Variants in DIP2A observed in about 807,000 individuals in gnomAD.
DIP2A encodes DIP2 acetate--CoA ligase A.
In DIP2A, 85 loss-of-function variants were observed where a neutral mutation model predicts 177.4. The observed-to-expected ratio is 0.48, with a 90% CI of 0.40 to 0.57. The LOEUF (loss-of-function observed/expected upper bound fraction) is 0.57. DIP2A is among the 20% of genes least tolerant of loss of function. The pLI, the probability that DIP2A is intolerant of heterozygous loss-of-function variation, is 0.00. For synonymous variants in DIP2A, 886 were observed against 881.8 expected (o/e 1.00, Z -0.08); for missense variants, 1,791 against 2,100.2 (o/e 0.85, Z 2.88).
intron 3 of DIP2A, among the ~76,000 whole-genome samples, chr21:46,496,665 A>G (rs939987697): frequency 6.6e-6 from 1 of 152,240 alleles, no homozygotes; most frequent in Non-Finnish European, 1.5e-5. Context: ...TATGAGGCCC[A>G]TGGGCCACGG....
chr21:46,537,291 G>C lies in DIP2A; in HGVS notation c.1707+3G>C, dbSNP rs199591272. 1 of 1,614,004 alleles carries C rather than the reference G, an allele frequency of 6.2e-7. No homozygotes were observed. Among genetic ancestry groups the C allele is most frequent in the Non-Finnish European group, 8.5e-7 (1 of 1,179,868 alleles). On this transcript the variant is annotated splice_donor_region_variant and intron_variant, in intron 14 of 37. Coordinates refer to ENST00000417564, the MANE Select transcript of DIP2A (RefSeq NM_015151.4). This position sits in a 1 kb window ranked among gnomAD's most constrained non-coding sequence, Gnocchi z 4.1. ...GTCTGTGGCATGGCGTGTTAACAGT[G>C]AGTGTTGTTTGCTGATGACTAACTG...
downstream of DIP2A, among the ~76,000 whole-genome samples, chr21:46,574,613 A>G (rs2060981974): frequency 6.6e-6 from 1 of 152,154 alleles, no homozygotes; most frequent in African/African-American, 2.4e-5. Flanking sequence ...AAAATCAGAA[A>G]TAAAATTGGA....
chr21:46,463,683 TGTGTGTGTGTG>T (rs2054530395), intron 1 of DIP2A, among the ~76,000 whole-genome samples: 1 of 119,150 alleles, frequency 8.4e-6, no homozygotes, highest in Admixed American at 7.5e-5. Flanking sequence ...GATATATTTG[TGTGTGTGTGTG>T]TGTGTGTGTG....
chr21:46,535,193 C>G (rs1382630914), intron 13 of DIP2A, among the ~76,000 whole-genome samples: 1 of 152,148 alleles, frequency 6.6e-6, no homozygotes, highest in Non-Finnish European at 1.5e-5. Context: ...TATAGATGAT[C>G]TGTTGATAAA....
At chr21:46,560,332 G>A (rs1468515925) in intron 32 of DIP2A, among the ~76,000 whole-genome samples, 6 of 152,228 alleles carry the variant, frequency 3.9e-5, no homozygotes, top group Non-Finnish European at 7.3e-5. Flanking sequence ...AGCAGTCCCC[G>A]GTAGAATTAG....
At chr21:46,461,184 G>C (rs1320859269) in intron 1 of DIP2A, among the ~76,000 whole-genome samples, 1 of 148,360 alleles carries the variant, frequency 6.7e-6, no homozygotes, top group African/African-American at 2.5e-5. Context: ...TGTAGTCCCA[G>C]CTACTTGGGA....
chr21:46,537,441 C>T lies in DIP2A; in HGVS notation c.1708-5C>T, dbSNP rs200136063. On this transcript the variant is annotated splice_polypyrimidine_tract_variant and splice_region_variant and intron_variant, in intron 14 of 37. Coordinates refer to ENST00000417564, the MANE Select transcript of DIP2A (RefSeq NM_015151.4). This position sits in a 1 kb window ranked among gnomAD's most constrained non-coding sequence, Gnocchi z 4.1. Reference sequence around the variant, plus strand: ...CTCGCCCTAAGCATGTGTGCTCCCCCACAGAGCGTCATGAACAGGATGCAC... The same window carrying T: ...CTCGCCCTAAGCATGTGTGCTCCCCTACAGAGCGTCATGAACAGGATGCAC... 1.9e-6 allele frequency: 3 copies of T among 1,614,084 alleles called. No homozygotes were observed. Among genetic ancestry groups the T allele is most frequent in the Non-Finnish European group, 2.5e-6 (3 of 1,179,968 alleles).
At chr21:46,536,074 G>A (rs759902555) in intron 13 of DIP2A, among the ~76,000 whole-genome samples, 2 of 152,206 alleles carry the variant, frequency 1.3e-5, no homozygotes, top group East Asian at 1.9e-4. Flanking sequence ...GCCTGGCAAC[G>A]TAATAAGACC....
At position 46,566,623 on chromosome 21, in the gene DIP2A, G is replaced by C; in HGVS notation, c.4403G>C (p.Arg1468Pro). 6.2e-7 allele frequency: 1 copy of C among 1,614,152 alleles called. No individual in the cohort carries two copies. The highest frequency in any genetic ancestry group is 8.5e-7 in the Non-Finnish European group (1 of 1,180,020). The change falls in exon 37 of 38, where the codon CGG (arginine) becomes CCG (proline). Residue 1468 changes from arginine (R) to proline (P), a missense_variant. Transcript: ENST00000417564. ...LDETLELRGM[R>P]YHPIDIETSV... ...GAAACTCTGGAGCTCAGAGGCATGC[G>C]GTACCACCCCATCGACATTGAGACC...
chr21:46,524,859 T>A (rs533008587), intron 8 of DIP2A, among the ~76,000 whole-genome samples: 1 of 146,832 alleles, frequency 6.8e-6, no homozygotes, highest in African/African-American at 2.5e-5. Context: ...TCTTTTATGA[T>A]TTTTGCTTTT....
intron 5 of DIP2A, among the ~76,000 whole-genome samples, chr21:46,501,408 A>G (rs1309439645): frequency 6.6e-6 from 1 of 151,804 alleles, no homozygotes; most frequent in African/African-American, 2.4e-5. Flanking sequence ...GTTTATTTTT[A>G]TGCAGCTTTT....
At position 46,546,977 on chromosome 21, in the gene DIP2A, C is replaced by T. The variant is rs757076117; in HGVS notation, c.2457C>T (p.His819=). 3.1e-6 allele frequency: 5 copies of T among 1,613,980 alleles called. No individual in the cohort carries two copies. The highest frequency in any genetic ancestry group is 4.2e-6 in the Non-Finnish European group (5 of 1,179,884). ...DGLMVTGVRR[H]NADDVVATAL... is the part of the protein sequence containing the mutation. Reference sequence around the variant, plus strand: ...TGATGGTCACTGGAGTTCGCAGACACAATGCAGATGACGTTGTGGCCACCG... The same window carrying T: ...TGATGGTCACTGGAGTTCGCAGACATAATGCAGATGACGTTGTGGCCACCG... Residue 819 remains histidine (H), a synonymous_variant, in exon 21 of 38, where the codon CAC becomes CAT. Coordinates refer to ENST00000417564, the MANE Select transcript of DIP2A (RefSeq NM_015151.4).
chr21:46,481,987 G>A (rs566747637), intron 1 of DIP2A, among the ~76,000 whole-genome samples: 7 of 152,156 alleles, frequency 4.6e-5, no homozygotes, highest in Admixed American at 3.3e-4. Context: ...GGAGGCAGAG[G>A]TTGCAGTGAG....
rs766609097 is a variant in DIP2A, at chr21:46,563,901, A to G, written c.4133A>G (p.Lys1378Arg). 4.4e-5 allele frequency: 71 copies of G among 1,613,400 alleles called. No homozygotes were observed. The highest frequency in any genetic ancestry group is 5.7e-5 in the Non-Finnish European group (67 of 1,179,788). ...GTCATCATCGCACACACCGAGACCA[A>G]AGGACCCTTGGGAGACTCACACCTG... is the stretch of plus-strand genomic sequence containing the variant. Reference protein sequence around the residue: ...VKVIIAHTETKGPLGDSHLGE... With the variant: ...VKVIIAHTETRGPLGDSHLGE... Residue 1378 changes from lysine to arginine, a missense_variant, in exon 35 of 38, where the codon AAA becomes AGA. Lys to Arg is a conservative substitution (Grantham distance 26, BLOSUM62 2). Transcript: ENST00000417564. The surrounding 1 kb of genome is among the most constrained non-coding windows in gnomAD (Gnocchi z 4.3).
Position 46,490,696 on chromosome 21 carries a change from C to G in DIP2A, c.260C>G (p.Ser87Trp). 1 of 1,585,186 alleles carries G rather than the reference C, an allele frequency of 6.3e-7. No homozygotes were observed. The highest frequency in any genetic ancestry group is 8.6e-7 in the Non-Finnish European group (1 of 1,165,888). The change falls in exon 3 of 38, where the codon TCG becomes TGG. Residue 87 changes from serine to tryptophan, a missense_variant. Transcript: ENST00000417564. The stretch of plus-strand genomic sequence containing the variant: ...CAGCAGAAGTCTCGGCCCACCGCCT[C>G]GAGGGATGAGCGCTTCCGGTCAGGT... ...PKQQKSRPTASRDERFRSDVH... is the reference protein window; with the variant it reads ...PKQQKSRPTAWRDERFRSDVH...
At position 46,565,021 on chromosome 21, in the gene DIP2A, G is replaced by A. The variant is rs1001160020; in HGVS notation, c.4165-692G>A. Among the ~76,000 whole-genome samples, 3 of 152,226 alleles carry A rather than the reference G, an allele frequency of 2.0e-5. No individual in the cohort carries two copies. The South Asian group carries it at 6.2e-4, about 32-fold the overall frequency. ...GCCACCCCGTTCTCCTCTTTCAGACGCTGCCATGCAGGGGCGTCTTAGAGC... is the reference window on the plus strand; with the variant it reads ...GCCACCCCGTTCTCCTCTTTCAGACACTGCCATGCAGGGGCGTCTTAGAGC... On this transcript the variant is annotated intron_variant, in intron 35 of 37. Coordinates refer to ENST00000417564, the MANE Select transcript of DIP2A (RefSeq NM_015151.4).
intron 1 of DIP2A, among the ~76,000 whole-genome samples, chr21:46,473,581 T>C (rs1412782953): frequency 6.6e-6 from 1 of 152,038 alleles, no homozygotes; most frequent in Non-Finnish European, 1.5e-5. Flanking sequence ...AGTGGCGCAA[T>C]CCCAGCTCAC....
chr21:46,462,088 G>C (rs764684132), intron 1 of DIP2A, among the ~76,000 whole-genome samples: 2 of 152,176 alleles, frequency 1.3e-5, no homozygotes, highest in Non-Finnish European at 2.9e-5. Context: ...GAACAGAGTA[G>C]TAGAGTGGCA....
Position 46,459,184 on chromosome 21 carries a change from G to A in DIP2A, c.53G>A (p.Arg18Gln), listed in dbSNP as rs760957876. ...GCGGCGCCGCTGCCTGCCGAGGTGC[G>A]GGAGAGCCTGGCTGAGCTGGAGCTG... ...LEAAPLPAEV[R>Q]ESLAELELEL... The change falls in exon 1 of 38, where the codon CGG becomes CAG. Residue 18 changes from arginine (R) to glutamine (Q), a missense_variant. Arg to Gln is a conservative substitution (Grantham distance 43, BLOSUM62 1). Coordinates refer to ENST00000417564, the MANE Select transcript of DIP2A (RefSeq NM_015151.4). The A allele has an allele frequency of 2.0e-6, 3 of 1,524,714 alleles. No homozygotes were observed. Among genetic ancestry groups the A allele is most frequent in the South Asian group, 2.4e-5 (2 of 82,084 alleles). 94.4% of individuals were successfully genotyped at this position (1,524,714 alleles called of 1,614,324 possible). A position where few individuals can be genotyped will look rare whatever the true frequency, so the allele number is the denominator to read the frequency against.
Sources: gnomAD v4.1 joint callset for allele counts (sites outside exome capture counted in the v4.1 genomes callset) on GRCh38, gnomAD v4.1.1 for gene constraint, Gnocchi (gnomAD v3.1) non-coding constraint, MANE v1.5 for transcripts, NCBI Gene and HGNC (gene_info 2026-07-23, HGNC 2026-07-21) for gene names.